NRG1: variants seen among roughly 807,000 people sequenced by gnomAD.
NRG1 encodes pro-neuregulin-1, membrane-bound isoform.
In NRG1, 18 loss-of-function variants were observed where a neutral mutation model predicts 63.8. The ratio of observed to expected loss-of-function variants is 0.28; its 90% CI spans 0.19 to 0.42. The LOEUF is 0.42. Among genes scored for constraint, NRG1 ranks in the 10% least tolerant of loss-of-function variants. The pLI is 1.00. For synonymous variants in NRG1, 302 were observed against 301.3 expected (o/e 1.00, Z -0.02); for missense variants, 762 against 814.7 (o/e 0.94, Z 0.79).
At chr8:32,536,043 A>T (rs545747277) in intron 1 of NRG1, among the ~76,000 whole-genome samples, 2 of 152,360 alleles carry the variant, frequency 1.3e-5, no homozygotes, top group African/African-American at 4.8e-5. Context: ...ACATCGTACA[A>T]TTGCCATGTA....
chr8:31,877,687 C>T (rs1033265368), intron 1 of NRG1, among the ~76,000 whole-genome samples: 2 of 152,026 alleles, frequency 1.3e-5, no homozygotes, highest in African/African-American at 4.8e-5. Context: ...GAGCATAATT[C>T]CAATTAGAGC....
chr8:31,815,869 T>C (rs796328074), intron 1 of NRG1, among the ~76,000 whole-genome samples: 2 of 152,018 alleles, frequency 1.3e-5, no homozygotes, highest in African/African-American at 4.8e-5. Context: ...TGGGTGTGAG[T>C]GGTATCTCAT....
intron 1 of NRG1, among the ~76,000 whole-genome samples, chr8:32,104,524 G>T (rs945635134): frequency 6.6e-5 from 10 of 152,014 alleles, no homozygotes; most frequent in African/African-American, 1.9e-4. Context: ...ATTAATGTTA[G>T]CTTACTGTAA....
At chr8:31,746,318 C>A (rs192612949) in intron 1 of NRG1, among the ~76,000 whole-genome samples, 3 of 151,826 alleles carry the variant, frequency 2.0e-5, no homozygotes, top group African/African-American at 7.3e-5. Flanking sequence ...TGTGAACAAC[C>A]GAATTTTCTT....
At chr8:32,701,031 A>G (rs921632242) in intron 5 of NRG1, among the ~76,000 whole-genome samples, 1 of 152,122 alleles carries the variant, frequency 6.6e-6, no homozygotes, top group African/African-American at 2.4e-5. Flanking sequence ...ACTTAAATTA[A>G]CTTATCATCC....
intron 1 of NRG1, among the ~76,000 whole-genome samples, chr8:31,765,480 T>C (rs376594748): frequency 1.3e-5 from 2 of 152,344 alleles, no homozygotes; most frequent in South Asian, 2.1e-4. Flanking sequence ...TTGTAGATAC[T>C]CTTCATCAAA....
At chr8:32,158,447 T>TTATATATATATATATATATATA (rs1563852043) in intron 1 of NRG1, among the ~76,000 whole-genome samples, 5 of 30,272 alleles carry the variant, frequency 1.7e-4, no homozygotes, top group African/African-American at 3.7e-4. Flanking sequence ...TTGGTTTACA[T>TTATATATATATATATATATATA]GATATATATA....
chr8:32,084,189 C>A (rs781515722), intron 1 of NRG1, among the ~76,000 whole-genome samples: 5 of 152,160 alleles, frequency 3.3e-5, no homozygotes, highest in African/African-American at 4.8e-5. Context: ...TAACTGCCTG[C>A]CACTTACATG....
intron 1 of NRG1, among the ~76,000 whole-genome samples, chr8:32,167,634 A>G (rs1014451388): frequency 3.3e-5 from 5 of 152,244 alleles, no homozygotes; most frequent in Non-Finnish European, 7.3e-5. Context: ...GGGATATGAT[A>G]AAATGTAGGA....
intron 1 of NRG1, among the ~76,000 whole-genome samples, chr8:32,152,957 C>G (rs142465504): frequency 1.3e-5 from 2 of 152,272 alleles, no homozygotes; most frequent in East Asian, 1.9e-4. Context: ...GTAGAGAATA[C>G]TAATAACCAC....
intron 1 of NRG1, among the ~76,000 whole-genome samples, chr8:32,467,087 A>C (rs1823164995): frequency 2.6e-5 from 4 of 152,058 alleles, no homozygotes. Context: ...GCCTCCCATA[A>C]AGACACACAT....
chr8:31,769,059 G>A (rs946806462), intron 1 of NRG1, among the ~76,000 whole-genome samples: 1 of 152,134 alleles, frequency 6.6e-6, no homozygotes, highest in South Asian at 2.1e-4. Context: ...GAGAGAACAT[G>A]TACTCCTTAC....
At chr8:32,583,413 C>T (rs1181714231) in intron 1 of NRG1, among the ~76,000 whole-genome samples, 1 of 152,074 alleles carries the variant, frequency 6.6e-6, no homozygotes, top group African/African-American at 2.4e-5. Flanking sequence ...TTGATAGGGT[C>T]TATCAAGCTT....
intron 1 of NRG1, among the ~76,000 whole-genome samples, chr8:32,536,201 C>G (rs1306695691): frequency 2.0e-5 from 3 of 152,116 alleles, no homozygotes; most frequent in Admixed American, 1.3e-4. Flanking sequence ...TTGACCGGGC[C>G]GTCTCCTAAT....
At chr8:32,681,942 A>G (rs1286957655) in intron 5 of NRG1, among the ~76,000 whole-genome samples, 2 of 152,196 alleles carry the variant, frequency 1.3e-5, no homozygotes, top group Non-Finnish European at 2.9e-5. Flanking sequence ...TAACATGCAC[A>G]TGGAGTAATA....
intron 1 of NRG1, among the ~76,000 whole-genome samples, chr8:31,757,754 A>C (rs925776003): frequency 6.6e-6 from 1 of 152,166 alleles, no homozygotes; most frequent in African/African-American, 2.4e-5. Flanking sequence ...TCACATTTTT[A>C]TTGAGATATA....
At chr8:32,427,776 C>T (rs187211131) in intron 1 of NRG1, among the ~76,000 whole-genome samples, 1 of 152,228 alleles carries the variant, frequency 6.6e-6, no homozygotes, top group Admixed American at 6.5e-5. Context: ...CTTTTAGTCA[C>T]CAATTGGAGA....
intron 1 of NRG1, among the ~76,000 whole-genome samples, chr8:32,531,800 T>A (rs1831480150): frequency 1.3e-5 from 2 of 152,122 alleles, no homozygotes; most frequent in African/African-American, 4.8e-5. Context: ...ATCGTGAAAG[T>A]TAAATGACAG....
At chr8:32,709,764 A>G (rs534551383) in intron 5 of NRG1, among the ~76,000 whole-genome samples, 1 of 152,260 alleles carries the variant, frequency 6.6e-6, no homozygotes, top group East Asian at 1.9e-4. Flanking sequence ...GGTTCTGAGA[A>G]CATGTGTGCC....
Sources: allele counts gnomAD v4.1 joint callset (sites outside exome capture counted in the v4.1 genomes callset), GRCh38; gene constraint gnomAD v4.1.1; transcripts MANE v1.5; gene names NCBI Gene and HGNC (gene_info 2026-07-23, HGNC 2026-07-21).